RC3H1: variants seen among roughly 807,000 people sequenced by gnomAD.
RC3H1 encodes the protein ring finger and CCCH-type domains 1.
A neutral mutation model predicts 138.2 loss-of-function variants in RC3H1; 50 were observed. That is an observed-to-expected ratio of 0.36 (90% CI 0.29 to 0.46). The LOEUF is 0.46. RC3H1 is among the 20% of genes least tolerant of loss of function. The probability of loss-of-function intolerance (pLI) is 1.00; values close to 1 mark genes in which losing one functional copy is unlikely to be tolerated. For missense variants in RC3H1, 1,031 were observed against 1,388.1 expected (o/e 0.74, Z 4.09); for synonymous variants, 462 against 489.1 (o/e 0.94, Z 0.73).
chr1:173,944,832 T>C (rs902858969), intron 17 of RC3H1, among the ~76,000 whole-genome samples: 3 of 152,318 alleles, frequency 2.0e-5, no homozygotes, highest in Middle Eastern at 3.4e-3. Flanking sequence ...AAGCCAGCTA[T>C]ATGTTCCAAA....
intron 6 of RC3H1, among the ~76,000 whole-genome samples, chr1:173,980,095 A>C (rs13375086): frequency 0.41 from 61,639 of 148,558 alleles, 17,418 homozygotes; most frequent in African/African-American, 0.8. Flanking sequence ...CCAGGCTGTG[A>C]CTGAACTCCT....
At chr1:173,948,411 AAT>A (rs10599652) in intron 14 of RC3H1, among the ~76,000 whole-genome samples, 43,570 of 149,506 alleles carry the variant, frequency 0.29, 11,189 homozygotes, top group African/African-American at 0.7. Context: ...ATCTTGAAGA[AAT>A]ATATATATAT....
At chr1:174,019,829 C>T (rs1317789347) in intron 1 of RC3H1, among the ~76,000 whole-genome samples, 1 of 151,972 alleles carries the variant, frequency 6.6e-6, no homozygotes, top group South Asian at 2.1e-4. Flanking sequence ...AATTTTTTTC[C>T]TATTGAACAG....
intron 19 of RC3H1, among the ~76,000 whole-genome samples, chr1:173,940,627 A>C (rs1364429548): frequency 6.9e-6 from 1 of 144,660 alleles, no homozygotes; most frequent in Non-Finnish European, 1.5e-5. Flanking sequence ...TGGGGGAGTG[A>C]CTTTATTTTT....
intron 4 of RC3H1, chr1:173,983,134 A>G: frequency 6.3e-6 from 3 of 477,458 alleles, no homozygotes; most frequent in Non-Finnish European, 7.2e-6. Flanking sequence ...AAAAACTTCT[A>G]TCAAAATGAA....
intron 1 of RC3H1, among the ~76,000 whole-genome samples, chr1:174,019,769 G>A (rs1404140594): frequency 6.6e-6 from 1 of 151,978 alleles, no homozygotes; most frequent in Non-Finnish European, 1.5e-5. Flanking sequence ...TTGAGTTTGT[G>A]TCAAAACTTA....
chr1:173,938,900 G>C, intron 19 of RC3H1, 29 bp from the exon 20 acceptor site: 1 of 1,542,866 alleles, frequency 6.5e-7, no homozygotes, highest in Non-Finnish European at 8.8e-7. Context: ...TTTGAAAAAG[G>C]AGAGAGAGAA....
chr1:173,946,512 A>C lies in RC3H1; in HGVS notation c.2925T>G (p.His975Gln). The C allele has an allele frequency of 1.2e-6, 2 of 1,614,056 alleles. No homozygotes were observed. Among genetic ancestry groups the C allele is most frequent in the Non-Finnish European group, 8.5e-7 (1 of 1,180,006 alleles). ...GTAGCTGGGTCTGCTGGCTAATCTG[A>C]TGGTTCAATTGCTGCAATTCTAGTC... ...QLRLELQQLNHQISQQTQLRG... is the reference protein window; with the variant it reads ...QLRLELQQLNQQISQQTQLRG... The change falls in exon 17 of 20, where the codon CAT becomes CAG. Residue 975 changes from histidine to glutamine, a missense_variant. This residue lies in a region of RC3H1 where 716 missense variants were observed against 837.9 expected (regional missense o/e 0.85). Transcript: ENST00000367696.
chr1:173,943,752 T>C (rs1261482087), intron 17 of RC3H1, 137 bp from the exon 18 acceptor site: 3 of 737,344 alleles, frequency 4.1e-6, no homozygotes, highest in East Asian at 6.0e-5. Flanking sequence ...AACTGTAAGG[T>C]GCTGTTCTCT....
intron 19 of RC3H1, among the ~76,000 whole-genome samples, chr1:173,940,262 G>C (rs968937065): frequency 2.6e-5 from 4 of 151,928 alleles, no homozygotes; most frequent in Non-Finnish European, 5.9e-5. Flanking sequence ...ACCTGAGGTC[G>C]GGAGTTTCAG....
intron 7 of RC3H1, among the ~76,000 whole-genome samples, chr1:173,976,923 CTTTTT>C (rs542743644): frequency 7.5e-6 from 1 of 132,524 alleles, no homozygotes; most frequent in Non-Finnish European, 1.6e-5. Context: ...GATGTGATTT[CTTTTT>C]TTTTTTTTTT....
chr1:173,946,914 CA>C (rs1357635436), intron 15 of RC3H1, 78 bp from the exon 16 acceptor site: 14 of 945,870 alleles, frequency 1.5e-5, no homozygotes, highest in Admixed American at 7.4e-5. Flanking sequence ...TGAAAGACAT[CA>C]GCGTATTGCA....
chr1:173,954,139 C>T (rs567192311), intron 13 of RC3H1, among the ~76,000 whole-genome samples: 6 of 152,250 alleles, frequency 3.9e-5, no homozygotes, highest in Non-Finnish European at 8.8e-5. Flanking sequence ...TCTGCACTCT[C>T]ATGTTTTATT....
At chr1:173,972,763 T>C in intron 7 of RC3H1, 136 bp from the exon 8 acceptor site, 5 of 632,056 alleles carry the variant, frequency 7.9e-6, no homozygotes, top group Non-Finnish European at 1.4e-5. Context: ...TAATAGCTTA[T>C]TCACCTAACC....
intron 1 of RC3H1, among the ~76,000 whole-genome samples, chr1:174,020,601 T>C (rs1034804356): frequency 3.9e-5 from 6 of 152,220 alleles, no homozygotes; most frequent in African/African-American, 1.4e-4. Flanking sequence ...GCAATCTCCT[T>C]GGATGTATCC....
intron 1 of RC3H1, among the ~76,000 whole-genome samples, chr1:174,012,160 G>A (rs1315480890): frequency 6.6e-6 from 1 of 151,916 alleles, no homozygotes; most frequent in African/African-American, 2.4e-5. Flanking sequence ...GAGCCTGGGA[G>A]GTCAAGGCTG....
At chr1:173,993,702 A>G (rs1169153030) in intron 1 of RC3H1, among the ~76,000 whole-genome samples, 1 of 150,762 alleles carries the variant, frequency 6.6e-6, no homozygotes, top group Admixed American at 6.6e-5. Flanking sequence ...TAAATCTCTA[A>G]TTTTTAAAAA....
At chr1:173,982,613 G>T in intron 5 of RC3H1, 114 bp downstream of exon 5, 1 of 850,828 alleles carries the variant, frequency 1.2e-6, no homozygotes, top group Non-Finnish European at 1.8e-6. Flanking sequence ...AAGAAAAATT[G>T]CTGAGATTTT....
intron 1 of RC3H1, among the ~76,000 whole-genome samples, chr1:174,007,963 T>C (rs530857285): frequency 2.0e-5 from 3 of 152,294 alleles, no homozygotes; most frequent in African/African-American, 7.2e-5. Context: ...ATAAAAAAAG[T>C]AGACAAAAAT....
Sources: allele counts gnomAD v4.1 joint callset (sites outside exome capture counted in the v4.1 genomes callset), GRCh38; gene constraint gnomAD v4.1.1; regional missense constraint gnomAD v4.1.1; transcripts MANE v1.5; gene names NCBI Gene and HGNC (gene_info 2026-07-23, HGNC 2026-07-21).